Variants in GRIP2 observed in about 807,000 individuals in gnomAD.
GRIP2 encodes glutamate receptor-interacting protein 2.
GRIP2 carries 58 observed loss-of-function variants against 108.3 expected under a neutral mutation model. That is an observed-to-expected ratio of 0.54 (90% CI 0.43 to 0.67). The LOEUF is 0.67. Among genes scored for constraint, GRIP2 ranks in the 30% least tolerant of loss-of-function variants. The pLI is 0.00. For missense variants in GRIP2, 1,278 were observed against 1,430.6 expected, an observed-to-expected ratio of 0.89 and a Z score of 1.72; for synonymous variants, 586 against 598.2, an observed-to-expected ratio of 0.98 and a Z score of 0.30.
At chr3:14,515,674 C>T (rs1315414343) in intron 11 of GRIP2, among the ~76,000 whole-genome samples, 1 of 152,034 alleles carries the variant, frequency 6.6e-6, no homozygotes, top group African/African-American at 2.4e-5. Context: ...CTCACTGTGT[C>T]GCCCAGGGTG....
At chr3:14,540,649 C>T (rs1694949392), upstream of GRIP2, among the ~76,000 whole-genome samples, 1 of 152,182 alleles carries the variant, frequency 6.6e-6, no homozygotes, top group Non-Finnish European at 1.5e-5. This position sits in a 1 kb window ranked among gnomAD's most constrained non-coding sequence, Gnocchi z 4.1. Flanking sequence ...ACTCTTCCCT[C>T]ACTAGGCATC....
chr3:14,568,566 G>A, the GRIP2 span, among the ~76,000 whole-genome samples: 2 of 152,110 alleles, frequency 1.3e-5, no homozygotes, highest in Non-Finnish European at 2.9e-5. Flanking sequence ...CGTCTCCTTG[G>A]GACTCATACC....
the GRIP2 span, among the ~76,000 whole-genome samples, chr3:14,592,423 C>T: frequency 1.3e-5 from 2 of 152,216 alleles, no homozygotes; most frequent in South Asian, 2.1e-4. Context: ...GTAAAGGAGT[C>T]GGGGAAAGAA....
the GRIP2 span, among the ~76,000 whole-genome samples, chr3:14,588,696 G>A: frequency 6.6e-6 from 1 of 152,238 alleles, no homozygotes; most frequent in Non-Finnish European, 1.5e-5. Flanking sequence ...AGGCTCCAGG[G>A]TCTCTGGCAG....
At chr3:14,571,162 G>A in the GRIP2 span, among the ~76,000 whole-genome samples, 1 of 152,150 alleles carries the variant, frequency 6.6e-6, no homozygotes, top group East Asian at 1.9e-4. Context: ...CTGCTTTCCT[G>A]TGTGTGTGAG....
At chr3:14,582,574 C>T in the GRIP2 span, among the ~76,000 whole-genome samples, 1 of 152,202 alleles carries the variant, frequency 6.6e-6, no homozygotes, top group Non-Finnish European at 1.5e-5. Context: ...ATATCTGCTT[C>T]GTGTCCAGAG....
upstream of GRIP2, among the ~76,000 whole-genome samples, chr3:14,543,583 A>G (rs1312696869): frequency 9.2e-5 from 14 of 152,282 alleles, no homozygotes; most frequent in Admixed American, 9.2e-4. Context: ...TTCTTGTCCA[A>G]TGCTGCCAAC....
chr3:14,539,906 C>T (rs543326026), intron 1 of GRIP2, among the ~76,000 whole-genome samples: 7 of 152,308 alleles, frequency 4.6e-5, no homozygotes, highest in African/African-American at 1.7e-4. Context: ...GGGTCGGACA[C>T]TCACTCCCAC....
intron 9 of GRIP2, among the ~76,000 whole-genome samples, chr3:14,519,882 G>GA (rs913325732): frequency 0.14 from 32 of 232 alleles, no homozygotes; most frequent in Non-Finnish European, 0.21. Context: ...AACCAGCTTT[G>GA]GGGCATCTAT....
At chr3:14,595,333 A>G in the GRIP2 span, among the ~76,000 whole-genome samples, 1 of 151,804 alleles carries the variant, frequency 6.6e-6, no homozygotes, top group Non-Finnish European at 1.5e-5. Context: ...GGCTGTTATT[A>G]TTGTCATTGT....
intron 10 of GRIP2, among the ~76,000 whole-genome samples, chr3:14,517,494 C>T (rs917069205): frequency 7.4e-5 from 8 of 107,750 alleles, no homozygotes; most frequent in African/African-American, 1.9e-4. Context: ...ATCTCTCTCT[C>T]TTTTTTTTTT....
At chr3:14,586,435 G>C in the GRIP2 span, among the ~76,000 whole-genome samples, 1 of 152,222 alleles carries the variant, frequency 6.6e-6, no homozygotes, top group Non-Finnish European at 1.5e-5. Flanking sequence ...GCAGGGCTGG[G>C]TGCCAGGGCC....
chr3:14,552,719 G>C (rs1695171467), intron 1 of GRIP2, among the ~76,000 whole-genome samples: 2 of 150,986 alleles, frequency 1.3e-5, no homozygotes, highest in East Asian at 3.9e-4. Flanking sequence ...CAGCCTCCCA[G>C]GTAGCTGGAA....
At chr3:14,528,189 C>T (rs1017233619) in intron 1 of GRIP2, among the ~76,000 whole-genome samples, 10 of 152,194 alleles carry the variant, frequency 6.6e-5, no homozygotes, top group African/African-American at 1.4e-4. Context: ...TAGTTTCTTA[C>T]ATTTAGCATA....
chr3:14,494,766 T>C (rs1693533867), intron 23 of GRIP2, 77 bp downstream of exon 23: 3 of 1,488,680 alleles, frequency 2.0e-6, no homozygotes, highest in Admixed American at 4.4e-5. Context: ...TCACAGGCGA[T>C]AGATGCAGGC....
At chr3:14,573,907 G>A in the GRIP2 span, 1 of 1,145,206 alleles carries the variant, frequency 8.7e-7, no homozygotes, top group Non-Finnish European at 1.3e-6. Flanking sequence ...CTGTCGTTGT[G>A]CATGCAGCAG....
the GRIP2 span, among the ~76,000 whole-genome samples, chr3:14,570,640 C>T: frequency 2.6e-5 from 4 of 152,170 alleles, no homozygotes; most frequent in Admixed American, 6.5e-5. Context: ...TTCTATTTTT[C>T]AGGTCTTTGT....
At chr3:14,503,445 G>T in intron 21 of GRIP2, 121 bp downstream of exon 21, 1 of 680,076 alleles carries the variant, frequency 1.5e-6, no homozygotes. Flanking sequence ...GCCCAGGTGA[G>T]TGCATACGTA....
rs552292991 is a variant in GRIP2 at position 14,533,182 on chromosome 3, A to C, written c.40+7087T>G. Among the ~76,000 whole-genome samples the C allele has an allele frequency of 5.4e-4, 83 of 152,338 alleles. 1 individual carries two copies. The South Asian group carries it at 0.016, about 30-fold the overall frequency. On this transcript the variant is annotated intron_variant, in intron 1 of 23. Transcript: ENST00000621039. Reference sequence around the variant, plus strand: ...ATTACGGTTTCCTAATACGCACTTCATTTAGATTCAACAAGATGTTTCTGA... The same window carrying C: ...ATTACGGTTTCCTAATACGCACTTCCTTTAGATTCAACAAGATGTTTCTGA...
Sources: allele counts gnomAD v4.1 joint callset (sites outside exome capture counted in the v4.1 genomes callset), GRCh38; gene constraint gnomAD v4.1.1; non-coding constraint Gnocchi (gnomAD v3.1); transcripts MANE v1.5; gene names NCBI Gene and HGNC (gene_info 2026-07-23, HGNC 2026-07-21).